The following UBE3D variants were observed in gnomAD, a reference collection of about 807,000 sequenced individuals.
UBE3D encodes the protein E3 ubiquitin-protein ligase E3D.
In UBE3D, 48 loss-of-function variants were observed where a neutral mutation model predicts 49.6. The ratio of observed to expected loss-of-function variants is 0.97; its 90% CI spans 0.77 to 1.23. UBE3D has a LOEUF of 1.23. UBE3D is among the 50% of genes most tolerant of loss of function. UBE3D has a pLI of 0.00. For missense variants in UBE3D, 452 were observed against 468.4 expected (o/e 0.96, Z 0.32); for synonymous variants, 189 against 174.2 (o/e 1.08, Z -0.67).
At chr6:83,005,953 G>A (rs373584932) in intron 8 of UBE3D, among the ~76,000 whole-genome samples, 15 of 152,102 alleles carry the variant, frequency 9.9e-5, no homozygotes, top group African/African-American at 2.2e-4. Context: ...GGCCAGGCAC[G>A]GTGGCTCACA....
At chr6:82,999,151 C>T (rs77512470) in intron 8 of UBE3D, among the ~76,000 whole-genome samples, 2,544 of 152,276 alleles carry the variant, frequency 0.017, 29 homozygotes, top group Middle Eastern at 0.045. Context: ...AAAACAGAAG[C>T]CATCAGAGGA....
chr6:82,994,860 T>C (rs941541169), intron 8 of UBE3D, among the ~76,000 whole-genome samples: 6 of 152,314 alleles, frequency 3.9e-5, no homozygotes, highest in African/African-American at 1.4e-4. Flanking sequence ...GAGTTTCTTC[T>C]ACCTTGAGCA....
At chr6:83,048,573 C>T (rs1783240961) in intron 3 of UBE3D, among the ~76,000 whole-genome samples, 1 of 152,172 alleles carries the variant, frequency 6.6e-6, no homozygotes, top group Non-Finnish European at 1.5e-5. Context: ...TGGGAGACAA[C>T]TCACATTAAC....
At chr6:83,044,386 G>A (rs1469632833) in intron 4 of UBE3D, 42 bp downstream of exon 4, 3 of 1,589,572 alleles carry the variant, frequency 1.9e-6, no homozygotes, top group Non-Finnish European at 2.6e-6. Context: ...CAGTATCTAA[G>A]ACAGCCTCTA....
At chr6:82,929,527 C>G (rs1475931690) in intron 9 of UBE3D, among the ~76,000 whole-genome samples, 1 of 151,604 alleles carries the variant, frequency 6.6e-6, no homozygotes, top group Admixed American at 6.6e-5. Context: ...TTCTGTCAGT[C>G]TAGCAAAGTC....
chr6:82,905,820 G>GT (rs982996601), intron 9 of UBE3D, among the ~76,000 whole-genome samples: 5 of 151,608 alleles, frequency 3.3e-5, no homozygotes, highest in Non-Finnish European at 5.9e-5. Flanking sequence ...TACTTAACTG[G>GT]TTTTTTTTAG....
At position 83,044,533 on chromosome 6, in the gene UBE3D, T is replaced by G; in HGVS notation, c.492A>C (p.Gly164=). Residue 164 remains glycine, a synonymous_variant, in exon 4 of 10, where the codon GGA becomes GGC. Coordinates refer to ENST00000369747, the MANE Select transcript of UBE3D (RefSeq NM_198920.3). ...TTAAATTCACCAAGAAGAAAGAGTC[T>G]CCAATAAAACAGTCATTCTCTTGCG... The part of the protein sequence containing the change: ...LHPQENDCFI[G]DSFFLVNLRT... The G allele has an allele frequency of 1.2e-6, 2 of 1,614,114 alleles. No homozygotes were observed. Among genetic ancestry groups the G allele is most frequent in the Non-Finnish European group, 8.5e-7 (1 of 1,180,002 alleles).
At chr6:82,899,068 T>A (rs1346539129) in intron 9 of UBE3D, among the ~76,000 whole-genome samples, 2 of 151,896 alleles carry the variant, frequency 1.3e-5, no homozygotes, top group Non-Finnish European at 2.9e-5. Flanking sequence ...ACAAGACTAT[T>A]TTTGCATTAT....
chr6:82,980,209 G>A (rs1313839951), intron 8 of UBE3D, among the ~76,000 whole-genome samples: 1 of 152,046 alleles, frequency 6.6e-6, no homozygotes, highest in East Asian at 1.9e-4. Flanking sequence ...TGCCAACATT[G>A]TGCAAGTGTT....
At chr6:82,991,413 T>G (rs1276580118) in intron 8 of UBE3D, among the ~76,000 whole-genome samples, 1 of 152,166 alleles carries the variant, frequency 6.6e-6, no homozygotes, top group Non-Finnish European at 1.5e-5. Flanking sequence ...GCACCATAAT[T>G]ATTACATAAA....
In UBE3D at chr6:82,973,107, C is replaced by CA. The variant is rs556261229; in HGVS notation, c.1011-15658dup. The stretch of plus-strand genomic sequence containing the variant: ...CAACACCACATTATAGTACAAAAGA[C>CA]AAAAAAACAAGACAAAACTGGCCAC... On this transcript the variant is annotated intron_variant, in intron 8 of 9. Coordinates refer to ENST00000369747, the MANE Select transcript of UBE3D (RefSeq NM_198920.3). Among the ~76,000 whole-genome samples, 838 of 152,018 alleles carry CA rather than the reference C, an allele frequency of 5.5e-3. 8 individuals are homozygous for CA. Among genetic ancestry groups the CA allele is most frequent in the Middle Eastern group, 0.028 (8 of 290 alleles).
intron 8 of UBE3D, among the ~76,000 whole-genome samples, chr6:83,005,151 A>G (rs573495143): frequency 6.6e-6 from 1 of 152,294 alleles, no homozygotes; most frequent in African/African-American, 2.4e-5. Context: ...AATTAAAAGG[A>G]ATTGATTAAA....
At position 82,998,075 on chromosome 6, in the gene UBE3D, G is replaced by A. The variant is rs528812289; in HGVS notation, c.1010+20898C>T. On this transcript the variant is annotated intron_variant, in intron 8 of 9. Transcript: ENST00000369747. ...GGCAGAGGGTGTCCCATGGAGGACA[G>A]TGCTATTGCTAGAGGCCTTTGGCCT... is the stretch of plus-strand genomic sequence containing the variant. Among the ~76,000 whole-genome samples, 12 of 152,366 alleles carry A rather than the reference G, an allele frequency of 7.9e-5. No individual in the cohort carries two copies. In the East Asian group the frequency reaches 2.3e-3, roughly 29 times the overall value.
rs9449568 is a variant in UBE3D, at chr6:83,032,418, T to A, written c.667+5998A>T. 2,473 of 372,804 alleles carry A rather than the reference T, an allele frequency of 6.6e-3. 58 individuals are homozygous for A. Among genetic ancestry groups the A allele is most frequent in the African/African-American group, 0.048 (2,260 of 47,492 alleles). 23.1% of individuals were successfully genotyped at this position (372,804 alleles called of 1,614,324 possible). A position where few individuals can be genotyped will look rare whatever the true frequency, so the allele number is the denominator to read the frequency against. ...TTTAGCCCCTTTGATTTGGCCAATTTCTCCTATTTGGAATGGGTGTATTTA... is the reference window on the plus strand; with the variant it reads ...TTTAGCCCCTTTGATTTGGCCAATTACTCCTATTTGGAATGGGTGTATTTA... On this transcript the variant is annotated intron_variant, in intron 5 of 9. Transcript: ENST00000369747.
intron 2 of UBE3D, among the ~76,000 whole-genome samples, chr6:83,054,991 C>T (rs1158654487): frequency 6.6e-6 from 1 of 152,014 alleles, no homozygotes; most frequent in Non-Finnish European, 1.5e-5. Context: ...TATGTCCAGT[C>T]TAGCATATAA....
At chr6:83,035,916 T>C (rs1782213484) in intron 5 of UBE3D, 2 of 152,206 alleles carry the variant, frequency 1.3e-5, no homozygotes, top group African/African-American at 4.8e-5. Context: ...GTACTCACTA[T>C]GTGCCAGACA....
chr6:83,008,043 G>T (rs928313521), intron 8 of UBE3D, among the ~76,000 whole-genome samples: 5 of 152,158 alleles, frequency 3.3e-5, no homozygotes, highest in African/African-American at 9.7e-5. Flanking sequence ...AAAATCGTGG[G>T]TTATATAACA....
At chr6:82,891,487 ATTCTC>A (rs1243641978), downstream of UBE3D, among the ~76,000 whole-genome samples, 1 of 152,216 alleles carries the variant, frequency 6.6e-6, no homozygotes, top group Non-Finnish European at 1.5e-5. Flanking sequence ...AGCCAAACTA[ATTCTC>A]TTCTGTGGCT....
intron 9 of UBE3D, among the ~76,000 whole-genome samples, chr6:82,919,213 G>A (rs1332536223): frequency 2.6e-5 from 4 of 152,086 alleles, no homozygotes; most frequent in African/African-American, 9.7e-5. Flanking sequence ...AGAGGAGAAA[G>A]TAGACTTCTT....
Sources: gnomAD v4.1 joint callset for allele counts (sites outside exome capture counted in the v4.1 genomes callset) on GRCh38, gnomAD v4.1.1 for gene constraint, MANE v1.5 for transcripts, NCBI Gene and HGNC (gene_info 2026-07-23, HGNC 2026-07-21) for gene names.